GABRG3: variants seen among roughly 807,000 people sequenced by gnomAD.
The protein encoded by GABRG3 is gamma-aminobutyric acid type A receptor subunit gamma3.
A neutral mutation model predicts 48.8 loss-of-function variants in GABRG3; 25 were observed. That is an observed-to-expected ratio of 0.51 (90% CI 0.37 to 0.72). GABRG3 has a LOEUF of 0.72. Among genes scored for constraint, GABRG3 ranks in the 30% least tolerant of loss-of-function variants. GABRG3 has a pLI of 0.00. For missense variants in GABRG3, 394 were observed against 577.9 expected, an observed-to-expected ratio of 0.68 and a Z score of 3.26; for synonymous variants, 227 against 217.6, an observed-to-expected ratio of 1.04 and a Z score of -0.38.
At chr15:27,515,893 C>CATT (rs1414852279) in intron 6 of GABRG3, among the ~76,000 whole-genome samples, 1 of 152,122 alleles carries the variant, frequency 6.6e-6, no homozygotes, top group African/African-American at 2.4e-5. Flanking sequence ...AGAGCTCATA[C>CATT]ATTAGAAATA....
At chr15:27,156,253 C>G (rs1898420141) in intron 3 of GABRG3, among the ~76,000 whole-genome samples, 1 of 124,722 alleles carries the variant, frequency 8.0e-6, no homozygotes, top group South Asian at 2.6e-4. Context: ...GAGCCGAGTT[C>G]AAGCCACTGC....
intron 3 of GABRG3, among the ~76,000 whole-genome samples, chr15:27,241,240 G>A (rs1428827397): frequency 6.6e-6 from 1 of 152,196 alleles, no homozygotes; most frequent in African/African-American, 2.4e-5. Context: ...TGGTCATGAG[G>A]TGTTTGTGTC....
chr15:27,309,334 A>G (rs2140505647), intron 3 of GABRG3, among the ~76,000 whole-genome samples: 1 of 151,888 alleles, frequency 6.6e-6, no homozygotes, highest in South Asian at 2.1e-4. Context: ...ATATATATAT[A>G]TTTACCAATT....
intron 2 of GABRG3, among the ~76,000 whole-genome samples, chr15:26,979,447 T>C (rs1470735139): frequency 1.3e-5 from 2 of 152,180 alleles, no homozygotes; most frequent in African/African-American, 2.4e-5. Flanking sequence ...GCCTTCAGTC[T>C]TTCCCCATAA....
At chr15:27,028,916 C>T (rs1226357426) in intron 3 of GABRG3, among the ~76,000 whole-genome samples, 1 of 151,188 alleles carries the variant, frequency 6.6e-6, no homozygotes, top group Non-Finnish European at 1.5e-5. Flanking sequence ...GACTTGAAAT[C>T]ATGAACTCTG....
chr15:27,303,089 A>G (rs1314681969), intron 3 of GABRG3, among the ~76,000 whole-genome samples: 1 of 151,890 alleles, frequency 6.6e-6, no homozygotes, highest in Non-Finnish European at 1.5e-5. Context: ...AGAGTAAAAC[A>G]GACTCAAATC....
intron 3 of GABRG3, among the ~76,000 whole-genome samples, chr15:27,275,392 CTT>C (rs1318580525): frequency 1.3e-5 from 2 of 152,098 alleles, no homozygotes; most frequent in Non-Finnish European, 2.9e-5. Flanking sequence ...ATAGCAAATA[CTT>C]TAAATATTGT....
At chr15:27,392,907 C>T (rs1887180157) in intron 5 of GABRG3, among the ~76,000 whole-genome samples, 1 of 152,202 alleles carries the variant, frequency 6.6e-6, no homozygotes, top group Admixed American at 6.5e-5. Flanking sequence ...ACATACCCAG[C>T]ATGATTATAT....
At chr15:27,163,129 A>G (rs929177680) in intron 3 of GABRG3, among the ~76,000 whole-genome samples, 2 of 152,052 alleles carry the variant, frequency 1.3e-5, no homozygotes, top group African/African-American at 4.8e-5. Flanking sequence ...GCCTGGTCCC[A>G]GATGAACTCT....
chr15:27,232,219 TCTAA>T (rs1265804048), intron 3 of GABRG3, among the ~76,000 whole-genome samples: 1 of 152,180 alleles, frequency 6.6e-6, no homozygotes, highest in Non-Finnish European at 1.5e-5. Flanking sequence ...CATAATTCAG[TCTAA>T]CTTTGAGGTT....
chr15:27,044,182 C>G (rs1896325487), intron 3 of GABRG3, among the ~76,000 whole-genome samples: 1 of 152,126 alleles, frequency 6.6e-6, no homozygotes, highest in African/African-American at 2.4e-5. Context: ...TAGGCCCAGC[C>G]CTCGTGTGCT....
At chr15:27,527,721 G>A (rs1891314527) in intron 8 of GABRG3, 92 bp downstream of exon 8, 6 of 1,246,906 alleles carry the variant, frequency 4.8e-6, no homozygotes, top group South Asian at 1.4e-5. Flanking sequence ...CCTAAGGATC[G>A]TACAAAGCAT....
chr15:27,307,093 T>TATAATATAAACATGTTTATATATAAAC (rs1566770174), intron 3 of GABRG3, among the ~76,000 whole-genome samples: 51 of 119,732 alleles, frequency 4.3e-4, no homozygotes, highest in Admixed American at 1.3e-3. Context: ...TATATAAACA[T>TATAATATAAACATGTTTATATATAAAC]ATAATATAAA....
Position 27,412,328 on chromosome 15 carries a change from T to C in GABRG3, c.575-68322T>C, listed in dbSNP as rs77829849. 6.4e-3 allele frequency among the ~76,000 whole-genome samples: 970 copies of C among 152,266 alleles called. 1 individual carries two copies. Among genetic ancestry groups the C allele is most frequent in the Non-Finnish European group, 9.5e-3 (645 of 68,016 alleles). On this transcript the variant is annotated intron_variant, in intron 5 of 9. Coordinates refer to ENST00000615808, the MANE Select transcript of GABRG3 (RefSeq NM_033223.5). The stretch of plus-strand genomic sequence containing the variant: ...CTATGGATCACTCATGCTGCCCTTT[T>C]TTAAGCCACATTCACTCCCTCCTGT...
chr15:27,231,748 C>T (rs538132580), intron 3 of GABRG3, among the ~76,000 whole-genome samples: 38 of 152,128 alleles, frequency 2.5e-4, no homozygotes, highest in Non-Finnish European at 4.6e-4. Flanking sequence ...GATATTGTAA[C>T]ACTTTTAGGT....
chr15:27,464,824 C>T (rs1351300395), intron 5 of GABRG3, among the ~76,000 whole-genome samples: 3 of 152,100 alleles, frequency 2.0e-5, no homozygotes, highest in South Asian at 2.1e-4. Flanking sequence ...GTATTGTTGA[C>T]GTGTGAAAGT....
In GABRG3 at chr15:26,976,273, T is replaced by A. The variant is rs1404617213; in HGVS notation, c.54-729T>A. Among the ~76,000 whole-genome samples the A allele has an allele frequency of 6.6e-6, 1 of 152,226 alleles. No individual in the cohort carries two copies. Among genetic ancestry groups the A allele is most frequent in the Non-Finnish European group, 1.5e-5 (1 of 68,042 alleles). On this transcript the variant is annotated intron_variant, in intron 1 of 9. Transcript: ENST00000615808. This position sits in a 1 kb window ranked among gnomAD's most constrained non-coding sequence, Gnocchi z 7.8. Reference sequence around the variant, plus strand: ...GCCCAGGCATTCACTGAGACTCATTTACTAAGAAGTCAGAATGTTGAAGAC... The same window carrying A: ...GCCCAGGCATTCACTGAGACTCATTAACTAAGAAGTCAGAATGTTGAAGAC...
intron 5 of GABRG3, among the ~76,000 whole-genome samples, chr15:27,411,794 C>T (rs749477291): frequency 2.4e-4 from 36 of 152,214 alleles, no homozygotes; most frequent in Non-Finnish European, 3.5e-4. Context: ...TGCCTTTTCC[C>T]GGTGTATCCT....
chr15:27,045,957 T>G (rs1208000197), intron 3 of GABRG3, among the ~76,000 whole-genome samples: 1 of 152,206 alleles, frequency 6.6e-6, no homozygotes, highest in Non-Finnish European at 1.5e-5. Flanking sequence ...ATACTAATTA[T>G]GTTTGCTTTG....
Sources: allele counts gnomAD v4.1 joint callset (sites outside exome capture counted in the v4.1 genomes callset), GRCh38; gene constraint gnomAD v4.1.1; non-coding constraint Gnocchi (gnomAD v3.1); transcripts MANE v1.5; gene names NCBI Gene and HGNC (gene_info 2026-07-23, HGNC 2026-07-21).